Variants in TMEM272 observed in about 807,000 individuals in gnomAD.
TMEM272 encodes the protein transmembrane protein 272.
A neutral mutation model predicts 3.7 loss-of-function variants in TMEM272; 8 were observed. That is an observed-to-expected ratio of 2.17 (90% CI 1.27 to 3.91). The LOEUF (loss-of-function observed/expected upper bound fraction) is 3.91, where lower values mean the gene tolerates loss of function less well. Ranked by LOEUF, TMEM272 falls within the 30% of genes most tolerant of loss-of-function variation. TMEM272 has a pLI of 0.00. For missense variants in TMEM272, 166 were observed against 91.5 expected (o/e 1.81, Z -3.32); for synonymous variants, 63 against 39.8 (o/e 1.58, Z -2.20).
chr13:51,909,700 G>T, the TMEM272 span: 4 of 1,551,602 alleles, frequency 2.6e-6, no homozygotes, highest in South Asian at 4.5e-5. Flanking sequence ...CCTTTTGGAG[G>T]ATTATCTAAG....
chr13:51,889,493 C>T, the TMEM272 span, among the ~76,000 whole-genome samples: 2 of 152,126 alleles, frequency 1.3e-5, no homozygotes, highest in Non-Finnish European at 2.9e-5. Flanking sequence ...AGAAAGTGGC[C>T]ATCTGCAAGC....
At chr13:51,887,063 G>C in the TMEM272 span, among the ~76,000 whole-genome samples, 8,354 of 152,182 alleles carry the variant, frequency 0.055, 279 homozygotes, top group Middle Eastern at 0.11. Flanking sequence ...GATCTAAAAC[G>C]CTATAAAGGT....
At chr13:51,899,277 T>G in the TMEM272 span, among the ~76,000 whole-genome samples, 2 of 152,034 alleles carry the variant, frequency 1.3e-5, no homozygotes, top group Non-Finnish European at 2.9e-5. Context: ...GAAGAAAAAA[T>G]ACTTGAGATA....
the TMEM272 span, chr13:51,865,610 G>A: frequency 2.5e-6 from 4 of 1,614,000 alleles, no homozygotes; most frequent in African/African-American, 2.7e-5. Flanking sequence ...CAAGATCCAT[G>A]CTTTCCGGGG....
At chr13:51,904,536 T>C in the TMEM272 span, among the ~76,000 whole-genome samples, 1 of 152,202 alleles carries the variant, frequency 6.6e-6, no homozygotes, top group Admixed American at 6.5e-5. Context: ...ATTCATGGTA[T>C]GGACGTGGAA....
the TMEM272 span, among the ~76,000 whole-genome samples, chr13:51,869,224 T>G: frequency 6.6e-6 from 1 of 151,962 alleles, no homozygotes; most frequent in Non-Finnish European, 1.5e-5. Context: ...TGTGTCATGA[T>G]CAAGGTCTGA....
chr13:51,860,750 TATAC>T, the TMEM272 span, among the ~76,000 whole-genome samples: 56,032 of 143,228 alleles, frequency 0.39, 11,300 homozygotes, highest in Middle Eastern at 0.48. Flanking sequence ...TATATATATA[TATAC>T]ACACACACAC....
chr13:51,839,721 G>T (rs1956245242), intron 1 of TMEM272, among the ~76,000 whole-genome samples: 1 of 152,100 alleles, frequency 6.6e-6, no homozygotes, highest in African/African-American at 2.4e-5. Context: ...CAGAAGGAGA[G>T]CTTGCTTTGA....
At chr13:51,849,021 C>T (rs1956319460), upstream of TMEM272, among the ~76,000 whole-genome samples, 1 of 152,142 alleles carries the variant, frequency 6.6e-6, no homozygotes, top group Non-Finnish European at 1.5e-5. Flanking sequence ...TTCAGGGTCC[C>T]TCACTTCGAC....
chr13:51,890,349 T>C, the TMEM272 span, among the ~76,000 whole-genome samples: 7 of 152,254 alleles, frequency 4.6e-5, no homozygotes, highest in Admixed American at 1.3e-4. Context: ...GTACTTGCTC[T>C]GTTAGTTTCC....
At chr13:51,881,760 AAATGAGC>A in the TMEM272 span, among the ~76,000 whole-genome samples, 1 of 152,162 alleles carries the variant, frequency 6.6e-6, no homozygotes, top group East Asian at 1.9e-4. Flanking sequence ...ATGAGCCAGG[AAATGAGC>A]TCTCACCAGA....
At chr13:51,903,462 C>T in the TMEM272 span, among the ~76,000 whole-genome samples, 4 of 152,266 alleles carry the variant, frequency 2.6e-5, no homozygotes, top group South Asian at 2.1e-4. Context: ...AGAGACTCTA[C>T]GTCAGATGAC....
chr13:51,923,014 G>A, the TMEM272 span, among the ~76,000 whole-genome samples: 1 of 152,236 alleles, frequency 6.6e-6, no homozygotes, highest in Non-Finnish European at 1.5e-5. Flanking sequence ...ATTCGGATGA[G>A]GATGTCTTGG....
chr13:51,856,769 A>T, the TMEM272 span, among the ~76,000 whole-genome samples: 2 of 152,254 alleles, frequency 1.3e-5, no homozygotes, highest in Non-Finnish European at 2.9e-5. Flanking sequence ...AGAATTTTAA[A>T]AAGCATACTT....
rs756054176 is a variant in TMEM272 at position 51,830,458 on chromosome 13, T to C, written c.59-3833A>G. The stretch of plus-strand genomic sequence containing the variant: ...CATGGACTGCAGGACTCTTAACCTC[T>C]GAGGTTTCAATGTCCTCATTGCAAA... On this transcript the variant is annotated intron_variant, in intron 2 of 4. Coordinates refer to ENST00000629372, the MANE Select transcript of TMEM272 (RefSeq NM_001351003.2). 7.2e-5 allele frequency among the ~76,000 whole-genome samples: 11 copies of C among 152,200 alleles called. 1 individual carries two copies. Among genetic ancestry groups the C allele is most frequent in the Non-Finnish European group, 1.5e-4 (10 of 68,028 alleles).
the TMEM272 span, among the ~76,000 whole-genome samples, chr13:51,913,624 G>C: frequency 6.6e-6 from 1 of 152,204 alleles, no homozygotes; most frequent in African/African-American, 2.4e-5. Context: ...GCTTGGGGCA[G>C]CACCACCTAG....
chr13:51,931,157 G>C, the TMEM272 span, among the ~76,000 whole-genome samples: 2 of 152,188 alleles, frequency 1.3e-5, no homozygotes, highest in African/African-American at 4.8e-5. Context: ...AAAGACACAT[G>C]GACACTATGT....
the TMEM272 span, among the ~76,000 whole-genome samples, chr13:51,900,591 A>G: frequency 6.6e-6 from 1 of 152,216 alleles, no homozygotes. Context: ...ATAATAGCCT[A>G]GCAATTCCAC....
At chr13:51,837,216 G>A (rs4943030) in intron 2 of TMEM272, among the ~76,000 whole-genome samples, 21,143 of 152,240 alleles carry the variant, frequency 0.14, 1,981 homozygotes, top group African/African-American at 0.25. Context: ...CCCTGAGCAT[G>A]ATACTTCCTC....
Sources: gnomAD v4.1 joint callset for allele counts (sites outside exome capture counted in the v4.1 genomes callset) on GRCh38, gnomAD v4.1.1 for gene constraint, MANE v1.5 for transcripts, NCBI Gene and HGNC (gene_info 2026-07-23, HGNC 2026-07-21) for gene names.